The following MAP3K15 variants were observed in gnomAD, a reference collection of about 807,000 sequenced individuals.
The protein encoded by MAP3K15 is MAPK/ERK kinase kinase 15.
In MAP3K15, 124 loss-of-function variants were observed where a neutral mutation model predicts 99.5. That is an observed-to-expected ratio of 1.25 (90% CI 1.08 to 1.45). MAP3K15 has a LOEUF of 1.45. Ranked by LOEUF, MAP3K15 falls within the 40% of genes most tolerant of loss-of-function variation. The pLI is 0.00. For synonymous variants in MAP3K15, 494 were observed against 439.6 expected (o/e 1.12, Z -1.55); for missense variants, 1,242 against 1,079.7 (o/e 1.15, Z -2.11).
chrX:19,495,277 G>A lies in MAP3K15; in HGVS notation c.362-6310C>T, dbSNP rs746279434. The stretch of plus-strand genomic sequence containing the variant: ...TCTGCCCACCTCGGCCTCCCAAAGT[G>A]CTGGGATTACAGGCATGAGCCACCG... On this transcript the variant is annotated intron_variant, in intron 1 of 28. Coordinates refer to ENST00000338883, the MANE Select transcript of MAP3K15 (RefSeq NM_001001671.4). 1.3e-4 allele frequency among the ~76,000 whole-genome samples: 15 copies of A among 112,342 alleles called. No individual in the cohort carries two copies. In the East Asian group the frequency reaches 3.6e-3, roughly 27 times the overall value.
At chrX:19,509,767 G>C (rs2064505294) in intron 1 of MAP3K15, among the ~76,000 whole-genome samples, 1 of 111,155 alleles carries the variant, frequency 9.0e-6, no homozygotes, top group Non-Finnish European at 1.9e-5. Context: ...AGGAAATAGA[G>C]ACATGAAAAA....
In MAP3K15 at chrX:19,380,108, A is replaced by C. The variant is rs1440402637; in HGVS notation, c.2589+12T>G. ...CAACCACGCCCAACCTCAATCACGA[A>C]GCATGACTTACTTTGAACATGGCTG... On this transcript the variant is annotated intron_variant, in intron 19 of 28. Coordinates refer to ENST00000338883, the MANE Select transcript of MAP3K15 (RefSeq NM_001001671.4). 1 of 1,173,068 alleles carries C rather than the reference A, an allele frequency of 8.5e-7. No individual in the cohort carries two copies. The highest frequency in any genetic ancestry group is 2.7e-5 in the Admixed American group (1 of 37,297).
At chrX:19,424,533 GAGC>G (rs1351617201) in intron 9 of MAP3K15, among the ~76,000 whole-genome samples, 1 of 111,052 alleles carries the variant, frequency 9.0e-6, no homozygotes, top group South Asian at 3.8e-4. Flanking sequence ...GTGGTCACCA[GAGC>G]AGCAGCAGCA....
At chrX:19,508,115 G>A (rs908022922) in intron 1 of MAP3K15, among the ~76,000 whole-genome samples, 3 of 106,746 alleles carry the variant, frequency 2.8e-5, no homozygotes, top group Admixed American at 2.0e-4. Flanking sequence ...TGATCCACCC[G>A]CCTCGGCCTC....
At chrX:19,466,983 A>C (rs765697277) in intron 3 of MAP3K15, among the ~76,000 whole-genome samples, 1 of 111,056 alleles carries the variant, frequency 9.0e-6, no homozygotes, top group South Asian at 3.9e-4. Context: ...TTAAAACATT[A>C]TGAGATTTAC....
chrX:19,490,793 AC>A (rs1418316320), intron 1 of MAP3K15, among the ~76,000 whole-genome samples: 1 of 110,106 alleles, frequency 9.1e-6, no homozygotes, highest in Non-Finnish European at 1.9e-5. Flanking sequence ...CTGGAGTTGC[AC>A]CCTGTAATAG....
rs757135476 is a variant in MAP3K15 at position 19,460,055 on chromosome X, C to T, written c.818G>A (p.Arg273His). Residue 273 changes from arginine (R) to histidine (H), a missense_variant, in exon 5 of 29, where the codon CGC becomes CAC. Coordinates refer to ENST00000338883, the MANE Select transcript of MAP3K15 (RefSeq NM_001001671.4). The stretch of plus-strand genomic sequence containing the variant: ...GGTCAGAACCTCAGTATTATCCATG[C>T]GGAGCTTGATCCGAGCTAGCTCCTT... ...LAKELARIKL[R>H]MDNTEVLTSD... 13 of 1,193,004 alleles carry T rather than the reference C, an allele frequency of 1.1e-5. No homozygotes were observed. In the East Asian group the frequency reaches 2.4e-4, roughly 22 times the overall value.
chrX:19,403,464 T>C (rs1166378304), intron 13 of MAP3K15, among the ~76,000 whole-genome samples: 1 of 102,277 alleles, frequency 9.8e-6, no homozygotes, highest in African/African-American at 3.6e-5. Context: ...TCTATTCTTT[T>C]TTTTTTTTTT....
Position 19,360,666 on chromosome X carries a change from C to T in MAP3K15, c.*83G>A, listed in dbSNP as rs1042456. ...GGCATTTTTAAATATGTAAACACAG[C>T]GGAATTCGTGTATACACTAACAGAA... is the stretch of plus-strand genomic sequence containing the variant. On this transcript the variant is annotated 3_prime_UTR_variant, in exon 29 of 29. Coordinates refer to ENST00000338883, the MANE Select transcript of MAP3K15 (RefSeq NM_001001671.4). The T allele has an allele frequency of 3.4e-5, 24 of 709,556 alleles. No homozygotes were observed. The highest frequency in any genetic ancestry group is 4.7e-5 in the South Asian group (2 of 42,383). The allele number at this position is 709,556 out of a possible 1,213,427, so 58.5% of individuals were successfully genotyped here. A position where few individuals can be genotyped will look rare whatever the true frequency, so the allele number is the denominator to read the frequency against.
intron 3 of MAP3K15, among the ~76,000 whole-genome samples, chrX:19,482,517 G>A (rs766171864): frequency 3.9e-4 from 44 of 112,008 alleles, no homozygotes; most frequent in Admixed American, 1.5e-3. Context: ...CATATTGTAT[G>A]GTTCCTTTCA....
At chrX:19,373,357 C>G (rs1182685353) in intron 21 of MAP3K15, among the ~76,000 whole-genome samples, 179 bp downstream of exon 21, 2 of 109,572 alleles carry the variant, frequency 1.8e-5, no homozygotes, top group African/African-American at 6.7e-5. Context: ...GGGGAAGGGA[C>G]AGCAAGTGAA....
chrX:19,485,295 C>T (rs1174196700), intron 3 of MAP3K15, among the ~76,000 whole-genome samples: 1 of 70,908 alleles, frequency 1.4e-5, no homozygotes. Context: ...GCTGACAGAG[C>T]GAGACTCTGT....
intron 18 of MAP3K15, among the ~76,000 whole-genome samples, chrX:19,383,627 T>A (rs941323312): frequency 1.8e-5 from 2 of 112,042 alleles, no homozygotes; most frequent in Non-Finnish European, 1.9e-5. Flanking sequence ...CTCACACAAC[T>A]CTATAAGAAA....
intron 3 of MAP3K15, among the ~76,000 whole-genome samples, chrX:19,477,360 C>G (rs2147382776): frequency 9.0e-6 from 1 of 111,670 alleles, no homozygotes; most frequent in South Asian, 3.8e-4. Context: ...GACAAAAAGA[C>G]TAACAACCTA....
chrX:19,486,156 G>A (rs1007199709), intron 3 of MAP3K15, among the ~76,000 whole-genome samples: 2 of 111,242 alleles, frequency 1.8e-5, no homozygotes, highest in African/African-American at 6.5e-5. Flanking sequence ...CCAGCAAAAC[G>A]ATTACTGGTG....
At chrX:19,451,908 C>T (rs1217343513) in intron 6 of MAP3K15, among the ~76,000 whole-genome samples, 2 of 107,935 alleles carry the variant, frequency 1.9e-5, no homozygotes, top group Non-Finnish European at 3.8e-5. Context: ...TACCAAAAAA[C>T]ATTCGCCAGG....
chrX:19,508,468 G>A (rs191546267), intron 1 of MAP3K15, among the ~76,000 whole-genome samples: 11 of 112,630 alleles, frequency 9.8e-5, no homozygotes, highest in Non-Finnish European at 1.5e-4. Context: ...CACCGTGCCC[G>A]GCCTGGAGAT....
rs1313331356 is a variant in MAP3K15 at position 19,400,268 on chromosome X, A to C, written c.1932+308T>G. On this transcript the variant is annotated intron_variant, in intron 14 of 28. Coordinates refer to ENST00000338883, the MANE Select transcript of MAP3K15 (RefSeq NM_001001671.4). ...AACGTCTGCTCTCAGTTGGCCAACT[A>C]ATTCTCTTGTAGTCTCACAGACATT... Among the ~76,000 whole-genome samples, 3 of 112,380 alleles carry C rather than the reference A, an allele frequency of 2.7e-5. No individual in the cohort carries two copies. In the East Asian group the frequency reaches 8.3e-4, roughly 31 times the overall value.
At position 19,445,398 on chromosome X, in the gene MAP3K15, C is replaced by G. The variant is rs181777027; in HGVS notation, c.995+11515G>C. On this transcript the variant is annotated intron_variant, in intron 6 of 28. Coordinates refer to ENST00000338883, the MANE Select transcript of MAP3K15 (RefSeq NM_001001671.4). ...TTGAAGCCAGGAGTTCAAGACCAGCCTGGCCAACATAGTGAAACCTCGTCA... is the reference window on the plus strand; with the variant it reads ...TTGAAGCCAGGAGTTCAAGACCAGCGTGGCCAACATAGTGAAACCTCGTCA... Among the ~76,000 whole-genome samples, 348 of 107,992 alleles carry G rather than the reference C, an allele frequency of 3.2e-3. 2 individuals are homozygous for G. Among genetic ancestry groups the G allele is most frequent in the Non-Finnish European group, 4.8e-3 (251 of 52,166 alleles). 93.8% of individuals were successfully genotyped at this position (107,992 alleles called of 115,157 possible).
Sources: allele counts gnomAD v4.1 joint callset (sites outside exome capture counted in the v4.1 genomes callset), GRCh38; gene constraint gnomAD v4.1.1; transcripts MANE v1.5; gene names NCBI Gene and HGNC (gene_info 2026-07-23, HGNC 2026-07-21).